The following SPAG9 variants were observed in gnomAD, a reference collection of about 807,000 sequenced individuals.
SPAG9 encodes sperm associated antigen 9.
A neutral mutation model predicts 166.5 loss-of-function variants in SPAG9; 35 were observed. The ratio of observed to expected loss-of-function variants is 0.21; its 90% CI spans 0.16 to 0.28. SPAG9 has a LOEUF of 0.28. Ranked by LOEUF, SPAG9 falls within the 10% of genes least tolerant of loss-of-function variation. SPAG9 has a pLI of 1.00. For synonymous variants in SPAG9, 534 were observed against 565.5 expected (o/e 0.94, Z 0.79); for missense variants, 1,235 against 1,603.3 (o/e 0.77, Z 3.92).
At chr17:51,110,982 G>A (rs914639930) in intron 1 of SPAG9, among the ~76,000 whole-genome samples, 10 of 152,054 alleles carry the variant, frequency 6.6e-5, no homozygotes, top group African/African-American at 2.2e-4. Flanking sequence ...CGGGTGTGGT[G>A]GCGGGCGCCT....
chr17:50,976,231 G>C (rs1438592853), intron 27 of SPAG9, among the ~76,000 whole-genome samples: 2 of 151,550 alleles, frequency 1.3e-5, no homozygotes, highest in African/African-American at 2.4e-5. Flanking sequence ...TTATTTCTCT[G>C]TGTGTGTGTG....
intron 2 of SPAG9, among the ~76,000 whole-genome samples, chr17:51,066,109 C>CT (rs367569277): frequency 2.5e-4 from 37 of 147,214 alleles, no homozygotes; most frequent in South Asian, 1.1e-3. Flanking sequence ...CCCCATTACG[C>CT]TTTTTTTTTT....
chr17:50,996,787 A>C (rs1391768440), intron 15 of SPAG9, 93 bp from the exon 16 acceptor site: 2 of 1,258,514 alleles, frequency 1.6e-6, no homozygotes, highest in Non-Finnish European at 2.2e-6. Flanking sequence ...AACAGCAAAA[A>C]CAACAAAAAT....
chr17:51,117,671 T>C (rs2144808240), intron 1 of SPAG9, among the ~76,000 whole-genome samples: 2 of 126,690 alleles, frequency 1.6e-5, no homozygotes, highest in South Asian at 4.8e-4. Flanking sequence ...ATTGTGCCAC[T>C]GCACTCCAGC....
intron 3 of SPAG9, among the ~76,000 whole-genome samples, chr17:51,053,897 A>ATG (rs2047279037): frequency 8.3e-6 from 1 of 120,528 alleles, no homozygotes; most frequent in Non-Finnish European, 1.7e-5. Context: ...ATATATATAT[A>ATG]TAAAACATAT....
chr17:50,987,178 A>C lies in SPAG9; in HGVS notation c.2873T>G (p.Val958Gly). The C allele has an allele frequency of 6.2e-7, 1 of 1,613,450 alleles. No individual in the cohort carries two copies. The highest frequency in any genetic ancestry group is 8.5e-7 in the Non-Finnish European group (1 of 1,179,714). ...ACTCATTTTCTGGGCTTCTTCTCTC[A>C]CCAAGTCTTGTTCATTTGGCAGTAC... is the stretch of plus-strand genomic sequence containing the variant. Reference protein sequence around the residue: ...ISVLPNEQDLVREEAQKMSSL... With the variant: ...ISVLPNEQDLGREEAQKMSSL... The change falls in exon 22 of 30, where the codon GTG becomes GGG. Residue 958 changes from valine to glycine, a missense_variant. Coordinates refer to ENST00000262013, the MANE Select transcript of SPAG9 (RefSeq NM_001130528.3).
chr17:51,025,517 A>C (rs2046131012), intron 6 of SPAG9, among the ~76,000 whole-genome samples: 1 of 151,624 alleles, frequency 6.6e-6, no homozygotes, highest in Non-Finnish European at 1.5e-5. Context: ...AGCCAAAGAG[A>C]TTGATAGTGA....
chr17:51,089,660 A>ATATG (rs1555658087), intron 1 of SPAG9, among the ~76,000 whole-genome samples: 52 of 105,284 alleles, frequency 4.9e-4, no homozygotes, highest in Non-Finnish European at 8.4e-4. Flanking sequence ...ATATATATAT[A>ATATG]TATACACATA....
At chr17:51,082,393 A>C (rs980226990) in intron 1 of SPAG9, among the ~76,000 whole-genome samples, 4 of 151,246 alleles carry the variant, frequency 2.6e-5, no homozygotes, top group African/African-American at 7.3e-5. Context: ...AAAAAAAAAA[A>C]AAAAAAAAAA....
chr17:51,059,566 A>G (rs2047447879), intron 2 of SPAG9, among the ~76,000 whole-genome samples: 1 of 152,092 alleles, frequency 6.6e-6, no homozygotes, highest in Admixed American at 6.6e-5. Context: ...AGCCTGGCCA[A>G]CATGGTGAAA....
rs1568065363 is a variant in SPAG9 at position 51,077,025 on chromosome 17, G to GCTAGCTAT, written c.424+2558_424+2559insATAGCTAG. Among the ~76,000 whole-genome samples, 146 of 86,802 alleles carry GCTAGCTAT rather than the reference G, an allele frequency of 1.7e-3. 5 individuals carry two copies. Among genetic ancestry groups the GCTAGCTAT allele is most frequent in the African/African-American group, 6.6e-3 (143 of 21,584 alleles). The allele number at this position is 86,802 out of a possible 152,430, so 56.9% of individuals were successfully genotyped here. On this transcript the variant is annotated intron_variant, in intron 2 of 29. Transcript: ENST00000262013. ...ATCTAGCTAGCTAGCTAGCTATCTA[G>GCTAGCTAT]CTATCTATCTAGCTATCTAGCTATC... is the stretch of plus-strand genomic sequence containing the variant.
chr17:50,978,728 A>T (rs1485119802), intron 26 of SPAG9, among the ~76,000 whole-genome samples: 1 of 152,228 alleles, frequency 6.6e-6, no homozygotes, highest in Non-Finnish European at 1.5e-5. Context: ...TAGATGATAC[A>T]GCAGCACATG....
intron 1 of SPAG9, among the ~76,000 whole-genome samples, chr17:51,117,364 T>C (rs762929524): frequency 1.3e-5 from 2 of 152,148 alleles, no homozygotes; most frequent in East Asian, 1.9e-4. Context: ...TCACTTTTGC[T>C]GTAAATACCC....
intron 1 of SPAG9, among the ~76,000 whole-genome samples, chr17:51,099,171 C>T (rs1416250301): frequency 3.3e-5 from 5 of 149,686 alleles, no homozygotes; most frequent in African/African-American, 4.9e-5. Context: ...TGGTGGCTCA[C>T]GCCTGTAATC....
At chr17:51,048,683 C>A (rs1401388958) in intron 3 of SPAG9, among the ~76,000 whole-genome samples, 1 of 151,896 alleles carries the variant, frequency 6.6e-6, no homozygotes, top group Non-Finnish European at 1.5e-5. Context: ...TTGGCATGTA[C>A]AAATATTAGG....
At position 50,971,560 on chromosome 17, in the gene SPAG9, C is replaced by T. The variant is rs540460313; in HGVS notation, c.3701-704G>A. On this transcript the variant is annotated intron_variant, in intron 28 of 29. Transcript: ENST00000262013. ...TTGGCTCACTGCAACCTCCGCCTCCCGGGTTCAAGCGATTTACCTGCCTCA... is the reference window on the plus strand; with the variant it reads ...TTGGCTCACTGCAACCTCCGCCTCCTGGGTTCAAGCGATTTACCTGCCTCA... Among the ~76,000 whole-genome samples the T allele has an allele frequency of 2.7e-4, 40 of 148,366 alleles. 2 individuals are homozygous for T. The South Asian group carries it at 7.7e-3, about 29-fold the overall frequency.
At chr17:51,066,645 A>G (rs539739054) in intron 2 of SPAG9, among the ~76,000 whole-genome samples, 2 of 151,526 alleles carry the variant, frequency 1.3e-5, no homozygotes, top group Non-Finnish European at 2.9e-5. Flanking sequence ...TCACGAGGTC[A>G]GGAGATCGAG....
In SPAG9 at chr17:51,047,406, G is replaced by T; in HGVS notation, c.559C>A (p.Gln187Lys). 1.9e-6 allele frequency: 3 copies of T among 1,591,386 alleles called. No homozygotes were observed. The South Asian group carries it at 3.4e-5, about 18-fold the overall frequency. ...TKLHQLSGSD[Q>K]LESTAHSRIR... ...CTACTATGAGCTGTGGATTCTAGTT[G>T]ATCACTCCCTGAGAGCTGATGAAGT... Residue 187 changes from glutamine (Q) to lysine (K), a missense_variant, in exon 4 of 30, where the codon CAA becomes AAA. Gln to Lys is a moderately conservative substitution (Grantham distance 53, BLOSUM62 1). Coordinates refer to ENST00000262013, the MANE Select transcript of SPAG9 (RefSeq NM_001130528.3).
chr17:51,034,176 C>T (rs951167182), intron 5 of SPAG9, among the ~76,000 whole-genome samples: 1 of 152,142 alleles, frequency 6.6e-6, no homozygotes, highest in Admixed American at 6.5e-5. Flanking sequence ...ATAAACAAAA[C>T]AATATGAAAT....
Sources: allele counts gnomAD v4.1 joint callset (sites outside exome capture counted in the v4.1 genomes callset), GRCh38; gene constraint gnomAD v4.1.1; transcripts MANE v1.5; gene names NCBI Gene and HGNC (gene_info 2026-07-23, HGNC 2026-07-21).